IFT43: variants seen among roughly 807,000 people sequenced by gnomAD.
IFT43 encodes intraflagellar transport 43.
Under a neutral mutation model 32.3 loss-of-function variants are expected in IFT43, and 33 were observed. That is an observed-to-expected ratio of 1.02 (90% CI 0.77 to 1.37). The LOEUF (loss-of-function observed/expected upper bound fraction) is 1.37, where lower values mean the gene tolerates loss of function less well. Ranked by LOEUF, IFT43 falls within the 40% of genes most tolerant of loss-of-function variation. IFT43 has a pLI of 0.00. For synonymous variants in IFT43, 93 were observed against 98.2 expected (o/e 0.95, Z 0.31); for missense variants, 274 against 265.9 (o/e 1.03, Z -0.21).
intron 5 of IFT43, among the ~76,000 whole-genome samples, chr14:76,078,903 A>G (rs1178100067): frequency 6.6e-6 from 1 of 152,118 alleles, no homozygotes. Flanking sequence ...TGGGACTCTG[A>G]TGTGGTGCCT....
intron 5 of IFT43, among the ~76,000 whole-genome samples, chr14:76,080,798 A>G (rs1036648485): frequency 6.6e-6 from 1 of 152,226 alleles, no homozygotes; most frequent in African/African-American, 2.4e-5. Flanking sequence ...TAGCATAAGA[A>G]ATAGAATCTT....
downstream of IFT43, chr14:76,084,046 C>T (rs1008807668): frequency 5.6e-5 from 25 of 449,846 alleles, no homozygotes; most frequent in Non-Finnish European, 8.9e-5. Context: ...GCAGCTGCAG[C>T]GGAGGGAGGA....
rs2037167699 is a variant in IFT43 at position 76,062,938 on chromosome 14, A to AGAAAAAAG, written c.295+3565_295+3566insGAAAAAAG. Among the ~76,000 whole-genome samples the AGAAAAAAG allele has an allele frequency of 5.5e-4, 66 of 120,868 alleles. 1 individual carries two copies. In the South Asian group the frequency reaches 0.017, roughly 31 times the overall value. 79.3% of individuals were successfully genotyped at this position (120,868 alleles called of 152,430 possible). A position where few individuals can be genotyped will look rare whatever the true frequency, so the allele number is the denominator to read the frequency against. On this transcript the variant is annotated intron_variant, in intron 5 of 8. Coordinates refer to ENST00000314067, the MANE Select transcript of IFT43 (RefSeq NM_001102564.3). ...ATCTCAAAAAAAAAAAAAAAAAAAA[A>AGAAAAAAG]AAAGAAAATACATTAAGTCAAACCA...
chr14:76,027,283 A>AT (rs896709563), intron 3 of IFT43, among the ~76,000 whole-genome samples: 7 of 151,318 alleles, frequency 4.6e-5, no homozygotes, highest in Non-Finnish European at 7.4e-5. Flanking sequence ...TTTACTTCCA[A>AT]TTTTTTCCAC....
chr14:76,066,573 C>G (rs1373466610), intron 5 of IFT43, among the ~76,000 whole-genome samples: 4 of 152,232 alleles, frequency 2.6e-5, no homozygotes, highest in South Asian at 2.1e-4. Flanking sequence ...AAGGCTGCTC[C>G]TTTGAACTTA....
chr14:75,991,111 A>T (rs1381085672), intron 2 of IFT43, among the ~76,000 whole-genome samples: 1 of 152,186 alleles, frequency 6.6e-6, no homozygotes, highest in East Asian at 1.9e-4. Context: ...AAGCCAAGGC[A>T]GGAGGATTGT....
intron 2 of IFT43, among the ~76,000 whole-genome samples, chr14:76,012,014 TA>T (rs2139927123): frequency 6.6e-6 from 1 of 152,348 alleles, no homozygotes; most frequent in African/African-American, 2.4e-5. Flanking sequence ...TTTTAGTCAG[TA>T]ATGTAAGATT....
At chr14:76,061,333 G>A (rs1165290456) in intron 5 of IFT43, among the ~76,000 whole-genome samples, 2 of 152,028 alleles carry the variant, frequency 1.3e-5, no homozygotes, top group Admixed American at 6.6e-5. Context: ...GGTTTTCTTT[G>A]TGTTTATCCT....
In IFT43 at chr14:76,083,490, C is replaced by A. The variant is rs894168247; in HGVS notation, c.540C>A (p.Phe180Leu). 18 of 1,614,034 alleles carry A rather than the reference C, an allele frequency of 1.1e-5. No individual in the cohort carries two copies. The highest frequency in any genetic ancestry group is 1.7e-5 in the Admixed American group (1 of 60,010). The part of the protein sequence containing the change: ...DDVGWDWDHL[F>L]TEVSSEVLTE... ...TCGGCTGGGACTGGGACCATCTGTT[C>A]ACTGAGGTGTCCTCAGAGGTCCTCA... The change falls in exon 9 of 9, where the codon TTC becomes TTA. Residue 180 changes from phenylalanine (F) to leucine (L), a missense_variant. Physicochemically the swap from Phe to Leu is conservative, Grantham distance 22. Coordinates refer to ENST00000314067, the MANE Select transcript of IFT43 (RefSeq NM_001102564.3).
intron 2 of IFT43, among the ~76,000 whole-genome samples, chr14:76,021,160 C>T (rs1213602192): frequency 6.6e-6 from 1 of 151,820 alleles, no homozygotes; most frequent in African/African-American, 2.4e-5. Context: ...GTCAGCCTAT[C>T]CTCAGGCCCC....
At chr14:76,053,877 C>T (rs1243465788) in intron 3 of IFT43, among the ~76,000 whole-genome samples, 3 of 152,192 alleles carry the variant, frequency 2.0e-5, no homozygotes, top group Non-Finnish European at 2.9e-5. Context: ...GCTTAGTTTT[C>T]ATGAACACCA....
chr14:75,999,281 A>ATATATTTTTTTTTTTTTT (rs1566699821), intron 2 of IFT43, among the ~76,000 whole-genome samples: 1 of 39,064 alleles, frequency 2.6e-5, no homozygotes, highest in African/African-American at 1.2e-4. Context: ...ATGTATATAT[A>ATATATTTTTTTTTTTTTT]TTTTTTTTTT....
intron 2 of IFT43, among the ~76,000 whole-genome samples, chr14:76,015,878 T>A (rs2036178608): frequency 6.6e-6 from 1 of 152,224 alleles, no homozygotes; most frequent in African/African-American, 2.4e-5. Flanking sequence ...TTAACTGGGG[T>A]AAGATGATAT....
intron 5 of IFT43, among the ~76,000 whole-genome samples, chr14:76,065,952 GA>G (rs1448607531): frequency 6.6e-6 from 1 of 152,202 alleles, no homozygotes; most frequent in African/African-American, 2.4e-5. Context: ...CTAAGGCAAA[GA>G]AAGGTAACCT....
At chr14:76,050,685 T>C (rs967476921) in intron 3 of IFT43, among the ~76,000 whole-genome samples, 8 of 152,154 alleles carry the variant, frequency 5.3e-5, no homozygotes, top group Non-Finnish European at 1.2e-4. Context: ...GTTATTTCTG[T>C]AATGTTCTTT....
intron 4 of IFT43, 130 bp downstream of exon 4, chr14:76,058,804 T>G (rs532425705): frequency 6.3e-7 from 1 of 1,581,008 alleles, no homozygotes; most frequent in Non-Finnish European, 8.6e-7. Flanking sequence ...GAATTATTGA[T>G]GCCTGCTGAA....
intron 2 of IFT43, among the ~76,000 whole-genome samples, chr14:76,011,238 CT>C (rs1276839743): frequency 2.0e-5 from 3 of 152,182 alleles, no homozygotes; most frequent in East Asian, 1.9e-4. Flanking sequence ...GGCATTGACA[CT>C]TTTGAAGAGA....
chr14:76,080,282 G>T (rs2360669), intron 5 of IFT43, among the ~76,000 whole-genome samples: 3 of 151,896 alleles, frequency 2.0e-5, no homozygotes, highest in African/African-American at 4.8e-5. Flanking sequence ...CCCCACCAGC[G>T]CCGCTCTGAG....
rs780404339 is a variant in IFT43, at chr14:75,988,903, C to T, written c.73C>T (p.Arg25Ter). The T allele has an allele frequency of 1.4e-5, 22 of 1,613,758 alleles. No individual in the cohort carries two copies. The highest frequency in any genetic ancestry group is 8.9e-5 in the East Asian group (4 of 44,894). The change falls in exon 2 of 9, where the codon CGA (arginine) becomes TGA (stop). Residue 25 changes from arginine (R) to a stop codon, truncating the protein, a stop_gained. Coordinates refer to ENST00000314067, the MANE Select transcript of IFT43 (RefSeq NM_001102564.3). LOFTEE classifies it high-confidence loss of function. ...CTTACAGAGGGCCAAGATGGGTCGC[C>T]GAGCTCAACAGGAGTCAGCGCAGGC... is the stretch of plus-strand genomic sequence containing the variant. ...LATSRAKMGR[R>*]AQQESAQAEN...
Sources: allele counts gnomAD v4.1 joint callset (sites outside exome capture counted in the v4.1 genomes callset), GRCh38; gene constraint gnomAD v4.1.1; transcripts MANE v1.5; gene names NCBI Gene and HGNC (gene_info 2026-07-23, HGNC 2026-07-21).